The following TTC28 variants were observed in gnomAD, a reference collection of about 807,000 sequenced individuals.
The protein encoded by TTC28 is tetratricopeptide repeat protein 28.
Under a neutral mutation model 198.0 loss-of-function variants are expected in TTC28, and 61 were observed. That is an observed-to-expected ratio of 0.31 (90% CI 0.25 to 0.38). TTC28 has a LOEUF of 0.38. TTC28 is among the 10% of genes least tolerant of loss of function. The pLI is 1.00. For synonymous variants in TTC28, 1,171 were observed against 1,297.8 expected (o/e 0.90, Z 2.10); for missense variants, 2,678 against 3,164.0 (o/e 0.85, Z 3.69).
intron 21 of TTC28, 95 bp from the exon 22 acceptor site, chr22:27,985,451 A>AT: frequency 2.0e-6 from 2 of 996,394 alleles, no homozygotes; most frequent in Non-Finnish European, 3.0e-6. Context: ...ACTTCATGGA[A>AT]TGCCTGCAAG....
intron 2 of TTC28, among the ~76,000 whole-genome samples, chr22:28,433,380 A>C (rs969493930): frequency 6.6e-6 from 1 of 152,192 alleles, no homozygotes; most frequent in Non-Finnish European, 1.5e-5. Context: ...TCCCCCTTAA[A>C]GTACCCAGGT....
intron 5 of TTC28, among the ~76,000 whole-genome samples, chr22:28,164,898 C>T (rs551462557): frequency 7.2e-5 from 11 of 152,076 alleles, no homozygotes; most frequent in Admixed American, 3.3e-4. Flanking sequence ...GGAGGAAGTT[C>T]GAACCCATGG....
chr22:28,168,500 C>A (rs1051158816), intron 5 of TTC28, among the ~76,000 whole-genome samples: 1 of 151,986 alleles, frequency 6.6e-6, no homozygotes, highest in African/African-American at 2.4e-5. Flanking sequence ...CAGAACAGAG[C>A]CCTCAGAAAT....
At chr22:28,193,506 G>T (rs1056440298) in intron 5 of TTC28, among the ~76,000 whole-genome samples, 1 of 152,122 alleles carries the variant, frequency 6.6e-6, no homozygotes, top group Non-Finnish European at 1.5e-5. Flanking sequence ...TGATTAAACA[G>T]TCAAGACCCA....
At chr22:28,320,663 T>A (rs182870796) in intron 2 of TTC28, among the ~76,000 whole-genome samples, 93 of 152,308 alleles carry the variant, frequency 6.1e-4, no homozygotes, top group African/African-American at 2.1e-3. Context: ...CATGAAACAA[T>A]CAGAACTGAG....
At chr22:28,601,775 T>TAC (rs1555900044) in intron 2 of TTC28, among the ~76,000 whole-genome samples, 1 of 63,250 alleles carries the variant, frequency 1.6e-5, no homozygotes. Context: ...GAGTAAACCC[T>TAC]AGACACACAC....
intron 3 of TTC28, among the ~76,000 whole-genome samples, chr22:28,298,098 T>C (rs1189426496): frequency 6.6e-6 from 1 of 152,136 alleles, no homozygotes; most frequent in Non-Finnish European, 1.5e-5. Context: ...TTGGCCATTG[T>C]GATCATCATG....
At chr22:28,590,214 A>G (rs1237256444) in intron 2 of TTC28, among the ~76,000 whole-genome samples, 2 of 143,914 alleles carry the variant, frequency 1.4e-5, no homozygotes, top group Non-Finnish European at 3.0e-5. Flanking sequence ...TGCAAGCTCC[A>G]CTTCCCAGGT....
chr22:28,643,765 C>G (rs886373956), intron 1 of TTC28, among the ~76,000 whole-genome samples: 1 of 152,032 alleles, frequency 6.6e-6, no homozygotes, highest in South Asian at 2.1e-4. Context: ...TTGTGAGTCT[C>G]CAAGAATTAC....
intron 5 of TTC28, among the ~76,000 whole-genome samples, chr22:28,171,600 G>A (rs1402039353): frequency 2.1e-5 from 3 of 146,000 alleles, no homozygotes; most frequent in Non-Finnish European, 4.5e-5. Context: ...TTTTTAAACG[G>A]TGCTTGCAAA....
intron 5 of TTC28, among the ~76,000 whole-genome samples, chr22:28,181,498 C>A (rs536924287): frequency 6.6e-6 from 1 of 152,272 alleles, no homozygotes; most frequent in African/African-American, 2.4e-5. Context: ...TTTAATTACA[C>A]CATAAAAACT....
intron 12 of TTC28, among the ~76,000 whole-genome samples, chr22:28,087,173 C>G (rs2146832765): frequency 6.6e-6 from 1 of 152,232 alleles, no homozygotes; most frequent in South Asian, 2.1e-4. Flanking sequence ...AGGCCAGCAT[C>G]ATCCTGATAC....
intron 2 of TTC28, among the ~76,000 whole-genome samples, chr22:28,409,691 G>A (rs1460492055): frequency 3.5e-5 from 5 of 143,268 alleles, no homozygotes; most frequent in African/African-American, 7.8e-5. Flanking sequence ...ATGGAGTCTC[G>A]CTCTGTCACC....
At chr22:28,063,559 T>C (rs985070858) in intron 12 of TTC28, among the ~76,000 whole-genome samples, 3 of 152,178 alleles carry the variant, frequency 2.0e-5, no homozygotes, top group Non-Finnish European at 4.4e-5. Flanking sequence ...CAGAGAGTTT[T>C]TGTTATTTAT....
intron 1 of TTC28, among the ~76,000 whole-genome samples, chr22:28,630,054 G>C (rs1407431275): frequency 6.6e-6 from 1 of 151,962 alleles, no homozygotes; most frequent in Non-Finnish European, 1.5e-5. Flanking sequence ...ATTATTTCCA[G>C]TGAGAGCCGG....
intron 1 of TTC28, among the ~76,000 whole-genome samples, chr22:28,653,135 G>C (rs2045963499): frequency 6.6e-6 from 1 of 152,190 alleles, no homozygotes; most frequent in Admixed American, 6.5e-5. Context: ...ACTAAAAGCA[G>C]TGACTTCTGG....
chr22:28,674,817 CAAAAAA>C (rs34351638), intron 1 of TTC28, among the ~76,000 whole-genome samples: 3 of 96,584 alleles, frequency 3.1e-5, no homozygotes, highest in African/African-American at 4.1e-5. Flanking sequence ...ACTCTGTCTC[CAAAAAA>C]AAAAAAAAAA....
chr22:28,299,361 A>G (rs1004637130), intron 3 of TTC28, among the ~76,000 whole-genome samples: 1 of 152,198 alleles, frequency 6.6e-6, no homozygotes, highest in African/African-American at 2.4e-5. Flanking sequence ...CTCCACTAAA[A>G]AGCTCTTGTC....
At chr22:28,062,598 A>G (rs1444294709) in intron 12 of TTC28, among the ~76,000 whole-genome samples, 1 of 151,804 alleles carries the variant, frequency 6.6e-6, no homozygotes, top group African/African-American at 2.4e-5. Context: ...CCTCCCAAGA[A>G]GCTGAGAATG....
Sources: gnomAD v4.1 joint callset for allele counts (sites outside exome capture counted in the v4.1 genomes callset) on GRCh38, gnomAD v4.1.1 for gene constraint, MANE v1.5 for transcripts, NCBI Gene and HGNC (gene_info 2026-07-23, HGNC 2026-07-21) for gene names.